Variants in MAGI2 observed in about 807,000 individuals in gnomAD.
The protein encoded by MAGI2 is membrane-associated guanylate kinase, WW and PDZ domain-containing protein 2.
In MAGI2, 35 loss-of-function variants were observed where a neutral mutation model predicts 133.3. The observed-to-expected ratio is 0.26, with a 90% CI of 0.20 to 0.35. The LOEUF is 0.35. MAGI2 is among the 10% of genes least tolerant of loss of function. The pLI, the probability that MAGI2 is intolerant of heterozygous loss-of-function variation, is 1.00. For missense variants in MAGI2, 1,636 were observed against 1,863.4 expected, an observed-to-expected ratio of 0.88 and a Z score of 2.25; for synonymous variants, 729 against 710.6, an observed-to-expected ratio of 1.03 and a Z score of -0.41.
At chr7:78,919,534 G>A (rs949699390) in intron 2 of MAGI2, among the ~76,000 whole-genome samples, 1 of 152,064 alleles carries the variant, frequency 6.6e-6, no homozygotes, top group Non-Finnish European at 1.5e-5. Flanking sequence ...AAGTTGTTAA[G>A]AAAGTGTTAA....
At chr7:78,214,787 T>C (rs751765774) in intron 10 of MAGI2, among the ~76,000 whole-genome samples, 14 of 152,204 alleles carry the variant, frequency 9.2e-5, no homozygotes, top group Non-Finnish European at 1.8e-4. Context: ...CAATGTATTT[T>C]CTCATAACTA....
chr7:78,989,348 A>G (rs1159515059), intron 2 of MAGI2, among the ~76,000 whole-genome samples: 1 of 152,058 alleles, frequency 6.6e-6, no homozygotes, highest in East Asian at 1.9e-4. Context: ...CCAGTAGGAA[A>G]AGTGCAAGAT....
intron 1 of MAGI2, among the ~76,000 whole-genome samples, chr7:79,405,632 A>T (rs1276760357): frequency 6.6e-6 from 1 of 152,110 alleles, no homozygotes; most frequent in Non-Finnish European, 1.5e-5. Flanking sequence ...AGAGATTACC[A>T]TTGTACCTAG....
chr7:79,376,195 T>C (rs941810680), intron 1 of MAGI2, among the ~76,000 whole-genome samples: 4 of 151,924 alleles, frequency 2.6e-5, no homozygotes, highest in Non-Finnish European at 5.9e-5. Flanking sequence ...AGCAGAATCC[T>C]ATATATACCA....
At chr7:79,130,563 C>T (rs1820842589) in intron 1 of MAGI2, among the ~76,000 whole-genome samples, 1 of 152,176 alleles carries the variant, frequency 6.6e-6, no homozygotes, top group Non-Finnish European at 1.5e-5. Flanking sequence ...AATTTGCCAA[C>T]ATTGAGAGTC....
intron 6 of MAGI2, among the ~76,000 whole-genome samples, chr7:78,423,380 T>G (rs1798976988): frequency 2.6e-5 from 4 of 152,188 alleles, no homozygotes; most frequent in Admixed American, 2.6e-4. Context: ...TAAGTCCAAT[T>G]AAACCTCTTT....
intron 1 of MAGI2, among the ~76,000 whole-genome samples, chr7:79,324,939 C>T (rs1038052122): frequency 6.6e-6 from 1 of 151,408 alleles, no homozygotes; most frequent in African/African-American, 2.4e-5. Context: ...GGAAAATTTG[C>T]ATTTTTCAGC....
chr7:78,724,943 T>A (rs1820623040), intron 2 of MAGI2, among the ~76,000 whole-genome samples: 1 of 152,230 alleles, frequency 6.6e-6, no homozygotes, highest in Admixed American at 6.5e-5. Context: ...TTTCTCATTT[T>A]TAATATTCAG....
At chr7:78,658,849 T>C (rs972863861) in intron 2 of MAGI2, among the ~76,000 whole-genome samples, 8 of 152,192 alleles carry the variant, frequency 5.3e-5, no homozygotes, top group African/African-American at 1.9e-4. Flanking sequence ...CATAGATTAG[T>C]CGTGGGATGT....
chr7:78,527,006 C>CAAAAAAAAAA (rs55707442), intron 3 of MAGI2, among the ~76,000 whole-genome samples: 18 of 45,426 alleles, frequency 4.0e-4, no homozygotes, highest in African/African-American at 5.5e-4. Context: ...GACTCCATCT[C>CAAAAAAAAAA]AAAAAAAAAA....
rs963044554 is a variant in MAGI2 at position 78,762,891 on chromosome 7, T to A, written c.419-135652A>T. On this transcript the variant is annotated intron_variant, in intron 2 of 21. Coordinates refer to ENST00000354212, the MANE Select transcript of MAGI2 (RefSeq NM_012301.4). ...AGTGAAAAAAATGGGTAAATACCCA[T>A]GGGCATAAAAGAACACAGTTTAGTT... Among the ~76,000 whole-genome samples, 4 of 152,334 alleles carry A rather than the reference T, an allele frequency of 2.6e-5. No homozygotes were observed. In the East Asian group the frequency reaches 7.7e-4, roughly 29 times the overall value.
At chr7:79,054,984 G>A (rs549972526) in intron 1 of MAGI2, among the ~76,000 whole-genome samples, 2 of 152,228 alleles carry the variant, frequency 1.3e-5, no homozygotes, top group South Asian at 4.1e-4. Context: ...GTAAAGACGG[G>A]GTTTCACCAT....
At chr7:78,529,815 C>T (rs28626666) in intron 3 of MAGI2, among the ~76,000 whole-genome samples, 34,581 of 149,448 alleles carry the variant, frequency 0.23, 4,467 homozygotes, top group African/African-American at 0.33. Flanking sequence ...CCACACCTGG[C>T]CAATCATCTT....
chr7:78,846,719 G>A (rs558753881), intron 2 of MAGI2, among the ~76,000 whole-genome samples: 70 of 152,072 alleles, frequency 4.6e-4, no homozygotes, highest in Non-Finnish European at 9.1e-4. Flanking sequence ...CAGTTATTTA[G>A]ATATAATTTA....
At chr7:78,217,718 G>C (rs1788410087) in intron 10 of MAGI2, among the ~76,000 whole-genome samples, 1 of 152,172 alleles carries the variant, frequency 6.6e-6, no homozygotes, top group South Asian at 2.1e-4. Context: ...TAGCAAGATG[G>C]CAGGGCATTA....
At chr7:78,953,058 T>C (rs1802003055) in intron 2 of MAGI2, among the ~76,000 whole-genome samples, 2 of 152,174 alleles carry the variant, frequency 1.3e-5, no homozygotes, top group South Asian at 4.1e-4. Flanking sequence ...CTTCTGCCCT[T>C]GTAATTTCTG....
chr7:78,734,937 T>G (rs1269639164), intron 2 of MAGI2, among the ~76,000 whole-genome samples: 1 of 152,196 alleles, frequency 6.6e-6, no homozygotes, highest in Non-Finnish European at 1.5e-5. Context: ...TGTATGCCAC[T>G]GAGATTTTTG....
chr7:79,380,804 T>C (rs751996324), intron 1 of MAGI2, among the ~76,000 whole-genome samples: 4 of 151,804 alleles, frequency 2.6e-5, no homozygotes, highest in Admixed American at 6.6e-5. Context: ...GTTTGGCTTA[T>C]GTAAGAAAAT....
At chr7:78,745,334 C>G (rs1429398877) in intron 2 of MAGI2, among the ~76,000 whole-genome samples, 1 of 152,108 alleles carries the variant, frequency 6.6e-6, no homozygotes, top group African/African-American at 2.4e-5. Flanking sequence ...CCCACAGTAC[C>G]AGTGAAAAGA....
Sources: allele counts gnomAD v4.1 joint callset (sites outside exome capture counted in the v4.1 genomes callset), GRCh38; gene constraint gnomAD v4.1.1; transcripts MANE v1.5; gene names NCBI Gene and HGNC (gene_info 2026-07-23, HGNC 2026-07-21).